NTRK3: variants seen among roughly 807,000 people sequenced by gnomAD.
NTRK3 encodes the protein NT-3 growth factor receptor.
Under a neutral mutation model 91.7 loss-of-function variants are expected in NTRK3, and 24 were observed. The observed-to-expected ratio is 0.26, with a 90% CI of 0.19 to 0.37. The LOEUF (loss-of-function observed/expected upper bound fraction) is 0.37. NTRK3 is among the 10% of genes least tolerant of loss of function. NTRK3 has a pLI of 1.00. For synonymous variants in NTRK3, 483 were observed against 404.0 expected, an observed-to-expected ratio of 1.20 and a Z score of -2.34; for missense variants, 880 against 1,068.9, an observed-to-expected ratio of 0.82 and a Z score of 2.46.
In NTRK3 at chr15:88,234,935, T is replaced by C. The variant is rs770166964; in HGVS notation, c.248+20971A>G. Among the ~76,000 whole-genome samples, 137 of 152,192 alleles carry C rather than the reference T, an allele frequency of 9.0e-4. 1 individual carries two copies. Among genetic ancestry groups the C allele is most frequent in the Non-Finnish European group, 8.1e-4 (55 of 68,002 alleles). On this transcript the variant is annotated intron_variant, in intron 3 of 18. Transcript: ENST00000394480. This position sits in a 1 kb window ranked among gnomAD's most constrained non-coding sequence, Gnocchi z 6.1. Reference sequence around the variant, plus strand: ...GACACACTTCCAGCCCCTTCCAACCTGAGAGGCGTTGCACTGGCTACGCCC... The same window carrying C: ...GACACACTTCCAGCCCCTTCCAACCCGAGAGGCGTTGCACTGGCTACGCCC...
intron 13 of NTRK3, among the ~76,000 whole-genome samples, chr15:88,068,845 C>T (rs893655738): frequency 1.3e-5 from 2 of 151,792 alleles, no homozygotes; most frequent in African/African-American, 4.8e-5. Flanking sequence ...GGGTTTGTCT[C>T]GATGGGGAAG....
chr15:88,015,952 G>A (rs1160123781), intron 14 of NTRK3, among the ~76,000 whole-genome samples: 1 of 151,342 alleles, frequency 6.6e-6, no homozygotes, highest in Non-Finnish European at 1.5e-5. Flanking sequence ...GTGAAATAAA[G>A]GTCTATGATA....
At position 87,968,704 on chromosome 15, in the gene NTRK3, CAG is replaced by C. The variant is rs1428183259; in HGVS notation, c.1586-27953_1586-27952del. 3.3e-5 allele frequency among the ~76,000 whole-genome samples: 5 copies of C among 152,284 alleles called. No individual in the cohort carries two copies. The East Asian group carries it at 9.7e-4, about 29-fold the overall frequency. On this transcript the variant is annotated intron_variant, in intron 14 of 18. Transcript: ENST00000394480. ...GTTGACTCCATGTGTTTGCATCTCCCAGAGTATTGTCAAGGGTATGCAAAAAC... is the reference window on the plus strand; with the variant it reads ...GTTGACTCCATGTGTTTGCATCTCCCAGTATTGTCAAGGGTATGCAAAAAC...
At chr15:88,003,261 T>C (rs2076245672) in intron 14 of NTRK3, among the ~76,000 whole-genome samples, 1 of 152,218 alleles carries the variant, frequency 6.6e-6, no homozygotes. Context: ...CAGCCAACTA[T>C]GAGCTTTGAA....
At chr15:88,070,371 C>A (rs551567140) in intron 13 of NTRK3, among the ~76,000 whole-genome samples, 1 of 151,834 alleles carries the variant, frequency 6.6e-6, no homozygotes, top group South Asian at 2.1e-4. Flanking sequence ...GGAAGGCAAG[C>A]AGGGGCGGGC....
intron 5 of NTRK3, 33 bp downstream of exon 5, chr15:88,183,385 T>A: frequency 6.2e-7 from 1 of 1,609,254 alleles, no homozygotes; most frequent in Non-Finnish European, 8.5e-7. Flanking sequence ...ACCTGCCATG[T>A]GCCCCCAATC....
intron 5 of NTRK3, among the ~76,000 whole-genome samples, chr15:88,153,223 C>A (rs1448172867): frequency 1.3e-5 from 2 of 152,026 alleles, no homozygotes; most frequent in East Asian, 3.9e-4. Flanking sequence ...AAGTATCTAT[C>A]CCTTTTCTTC....
At chr15:88,066,103 T>C (rs1403916322) in intron 13 of NTRK3, among the ~76,000 whole-genome samples, 1 of 152,252 alleles carries the variant, frequency 6.6e-6, no homozygotes, top group Non-Finnish European at 1.5e-5. Context: ...TATGGAGAGA[T>C]AACTGTAGCT....
intron 13 of NTRK3, among the ~76,000 whole-genome samples, chr15:88,060,798 G>A (rs1184981201): frequency 6.6e-6 from 1 of 152,032 alleles, no homozygotes; most frequent in Non-Finnish European, 1.5e-5. Context: ...AAAAGAAGGA[G>A]GCATAATCCA....
intron 13 of NTRK3, among the ~76,000 whole-genome samples, chr15:88,096,395 T>A (rs1271486548): frequency 1.3e-5 from 2 of 152,146 alleles, no homozygotes; most frequent in Non-Finnish European, 2.9e-5. Context: ...GATGACCTGG[T>A]TGGGAAAAGC....
chr15:87,960,705 G>C (rs1346976284), intron 14 of NTRK3, among the ~76,000 whole-genome samples: 2 of 152,066 alleles, frequency 1.3e-5, no homozygotes, highest in African/African-American at 2.4e-5. Flanking sequence ...GGCTGGTCTT[G>C]AACTCCCGGC....
intron 13 of NTRK3, among the ~76,000 whole-genome samples, chr15:88,039,108 T>C (rs1291238890): frequency 1.0e-4 from 15 of 146,288 alleles, no homozygotes; most frequent in African/African-American, 3.6e-4. Context: ...TTGATGTCTA[T>C]TGAGCCCTCA....
chr15:88,157,039 A>G (rs1461044072), intron 5 of NTRK3, among the ~76,000 whole-genome samples: 1 of 151,874 alleles, frequency 6.6e-6, no homozygotes, highest in Admixed American at 6.6e-5. Context: ...ACAATCCTGT[A>G]CCCTGCAGGG....
chr15:88,014,204 GT>G (rs1412182228), intron 14 of NTRK3, among the ~76,000 whole-genome samples: 2 of 152,184 alleles, frequency 1.3e-5, no homozygotes, highest in Non-Finnish European at 2.9e-5. Context: ...GAGTCAGACA[GT>G]TCACTTTTGT....
chr15:88,027,247 T>C (rs544291286), intron 14 of NTRK3, among the ~76,000 whole-genome samples: 15 of 152,216 alleles, frequency 9.9e-5, no homozygotes, highest in Middle Eastern at 3.4e-3. Flanking sequence ...AGCTATAAAA[T>C]GGGAGTAGTA....
chr15:88,106,255 T>C (rs2050698788), intron 13 of NTRK3, among the ~76,000 whole-genome samples: 1 of 152,188 alleles, frequency 6.6e-6, no homozygotes, highest in Admixed American at 6.5e-5. Context: ...CAAGTTCCCC[T>C]ACCAGAGGCT....
intron 15 of NTRK3, among the ~76,000 whole-genome samples, chr15:87,937,839 G>C (rs115467380): frequency 6.6e-6 from 1 of 151,996 alleles, no homozygotes; most frequent in Non-Finnish European, 1.5e-5. Flanking sequence ...TAAAAGATAT[G>C]GTCTTTGAAG....
chr15:88,002,722 G>A (rs776847813), intron 14 of NTRK3, among the ~76,000 whole-genome samples: 17 of 147,856 alleles, frequency 1.1e-4, no homozygotes, highest in African/African-American at 3.2e-4. Context: ...CTAGAAGCCC[G>A]GAGAAAACAA....
At chr15:88,106,635 A>T (rs973685633) in intron 13 of NTRK3, among the ~76,000 whole-genome samples, 1 of 152,168 alleles carries the variant, frequency 6.6e-6, no homozygotes, top group East Asian at 1.9e-4. Context: ...GTACATTTAA[A>T]ATATGTATGA....
Sources: allele counts gnomAD v4.1 joint callset (sites outside exome capture counted in the v4.1 genomes callset), GRCh38; gene constraint gnomAD v4.1.1; non-coding constraint Gnocchi (gnomAD v3.1); transcripts MANE v1.5; gene names NCBI Gene and HGNC (gene_info 2026-07-23, HGNC 2026-07-21).